Variants in DOCK7 observed in about 807,000 individuals in gnomAD.
The protein encoded by DOCK7 is dedicator of cytokinesis 7.
A neutral mutation model predicts 271.0 loss-of-function variants in DOCK7; 138 were observed. The observed-to-expected ratio is 0.51, with a 90% CI of 0.44 to 0.59. The LOEUF is 0.59. DOCK7 is among the 20% of genes least tolerant of loss of function. DOCK7 has a pLI of 0.00. For synonymous variants in DOCK7, 823 were observed against 876.1 expected (o/e 0.94, Z 1.07); for missense variants, 2,066 against 2,592.4 (o/e 0.80, Z 4.41).
At chr1:62,667,114 C>T (rs1659407472) in intron 1 of DOCK7, among the ~76,000 whole-genome samples, 1 of 152,174 alleles carries the variant, frequency 6.6e-6, no homozygotes, top group Admixed American at 6.5e-5. Flanking sequence ...GTCATGATTT[C>T]CAGAATGAAC....
At chr1:62,506,669 T>C (rs534280440) in intron 35 of DOCK7, among the ~76,000 whole-genome samples, 6 of 151,746 alleles carry the variant, frequency 4.0e-5, no homozygotes, top group Admixed American at 1.3e-4. Context: ...CAGGGTTGGC[T>C]GGGTGCAGTG....
intron 43 of DOCK7, chr1:62,478,427 T>C (rs1646027158): frequency 6.6e-6 from 1 of 152,156 alleles, no homozygotes; most frequent in Non-Finnish European, 1.5e-5. Flanking sequence ...ATTATTATTA[T>C]TATTTAGATG....
intron 9 of DOCK7, 47 bp downstream of exon 9, chr1:62,634,726 T>C (rs368781447): frequency 1.4e-5 from 22 of 1,557,108 alleles, no homozygotes; most frequent in Non-Finnish European, 1.8e-5. Flanking sequence ...GACAGACAAG[T>C]ATACAGACAC....
chr1:62,464,568 G>A (rs1571186436), intron 48 of DOCK7, among the ~76,000 whole-genome samples: 1 of 151,972 alleles, frequency 6.6e-6, no homozygotes, highest in African/African-American at 2.4e-5. Context: ...TGCAATCCCG[G>A]CTACTTGGGA....
chr1:62,553,962 T>C (rs1646049162), intron 21 of DOCK7, among the ~76,000 whole-genome samples: 1 of 152,076 alleles, frequency 6.6e-6, no homozygotes, highest in Non-Finnish European at 1.5e-5. Flanking sequence ...TCTCCTACTC[T>C]GCCCCTTGAC....
chr1:62,582,631 G>A (rs1047101001), intron 16 of DOCK7, among the ~76,000 whole-genome samples: 1 of 142,048 alleles, frequency 7.0e-6, no homozygotes, highest in African/African-American at 2.6e-5. Flanking sequence ...ATGAATTGCT[G>A]TAGCCCTATC....
intron 1 of DOCK7, among the ~76,000 whole-genome samples, chr1:62,680,552 C>G (rs1661007553): frequency 6.6e-6 from 1 of 151,818 alleles, no homozygotes; most frequent in South Asian, 2.1e-4. Context: ...TCTAATTAAA[C>G]TAAAGAGCTT....
intron 18 of DOCK7, among the ~76,000 whole-genome samples, chr1:62,566,527 C>T (rs955658491): frequency 5.3e-5 from 8 of 152,100 alleles, no homozygotes; most frequent in East Asian, 1.9e-4. Flanking sequence ...CTTCCTTACA[C>T]CTTAAACAAA....
rs1454805523 is a variant in DOCK7, at chr1:62,688,211, C to T, written c.38+16G>A. 3 of 1,378,450 alleles carry T rather than the reference C, an allele frequency of 2.2e-6. No individual in the cohort carries two copies. The East Asian group carries it at 1.0e-4, about 46-fold the overall frequency. The allele number at this position is 1,378,450 out of a possible 1,614,324, so 85.4% of individuals were successfully genotyped here. A position where few individuals can be genotyped will look rare whatever the true frequency, so the allele number is the denominator to read the frequency against. Reference sequence around the variant, plus strand: ...CTCGGGCGGCGGCGGCGGCGCGCCCCACGCCGGATATTTACCTGCTGATCT... The same window carrying T: ...CTCGGGCGGCGGCGGCGGCGCGCCCTACGCCGGATATTTACCTGCTGATCT... On this transcript the variant is annotated intron_variant, in intron 1 of 49. Transcript: ENST00000635253.
intron 43 of DOCK7, chr1:62,483,909 A>C (rs986208094): frequency 6.6e-6 from 1 of 152,084 alleles, no homozygotes; most frequent in South Asian, 2.1e-4. Flanking sequence ...AGAGTGTCAC[A>C]TTTACCCACT....
At chr1:62,609,901 C>G (rs868044089) in intron 14 of DOCK7, among the ~76,000 whole-genome samples, 1 of 151,972 alleles carries the variant, frequency 6.6e-6, no homozygotes, top group Non-Finnish European at 1.5e-5. Flanking sequence ...TGGCACTGCA[C>G]AGTGAGCTGA....
chr1:62,684,708 A>G lies in DOCK7; in HGVS notation c.38+3519T>C, dbSNP rs145453861. Among the ~76,000 whole-genome samples the G allele has an allele frequency of 3.8e-3, 583 of 152,306 alleles. 6 individuals are homozygous for G. Among genetic ancestry groups the G allele is most frequent in the African/African-American group, 0.013 (530 of 41,558 alleles). On this transcript the variant is annotated intron_variant, in intron 1 of 49. Transcript: ENST00000635253. ...TCTACAGTCTACATTCCATAAATCC[A>G]TGGGCCTTATCCTCAAAAAGCAAAG...
chr1:62,575,532 C>T (rs1181189021), intron 18 of DOCK7, among the ~76,000 whole-genome samples: 1 of 152,092 alleles, frequency 6.6e-6, no homozygotes, highest in African/African-American at 2.4e-5. Context: ...TGCTAATTAA[C>T]TGTTTATGTT....
Position 62,625,289 on chromosome 1 carries a change from A to T in DOCK7, c.1395T>A (p.Ala465=). Residue 465 remains alanine, a synonymous_variant, in exon 12 of 50, where the codon GCT becomes GCA. Transcript: ENST00000635253. The part of the protein sequence containing the change: ...DACNLTSFRP[A]TLTVTNFFKQ... ...TAAAAAAATTTGTCACTGTGAGAGT[A>T]GCTGGTCGAAAGCTCGTCAAGTTAC... The T allele has an allele frequency of 1.2e-6, 2 of 1,614,036 alleles. No homozygotes were observed. Among genetic ancestry groups the T allele is most frequent in the Non-Finnish European group, 1.7e-6 (2 of 1,179,966 alleles).
chr1:62,462,925 T>C (rs1490935086), intron 48 of DOCK7, among the ~76,000 whole-genome samples: 1 of 150,282 alleles, frequency 6.7e-6, no homozygotes, highest in East Asian at 1.9e-4. Context: ...TTTTTTTTTT[T>C]TTTTTTTTTG....
chr1:62,660,575 C>T lies in DOCK7; in HGVS notation c.144+2450G>A, dbSNP rs529215318. Among the ~76,000 whole-genome samples the T allele has an allele frequency of 1.2e-4, 19 of 152,168 alleles. No individual in the cohort carries two copies. The South Asian group carries it at 3.7e-3, about 30-fold the overall frequency. ...TGCTAGGAAAAACAGATTGGTGGCTCCTCAAAAAGCATACAATAAACACAG... is the reference window on the plus strand; with the variant it reads ...TGCTAGGAAAAACAGATTGGTGGCTTCTCAAAAAGCATACAATAAACACAG... On this transcript the variant is annotated intron_variant, in intron 2 of 49. Coordinates refer to ENST00000635253, the MANE Select transcript of DOCK7 (RefSeq NM_001367561.1).
At chr1:62,636,729 AT>A in intron 7 of DOCK7, 126 bp from the exon 8 acceptor site, 1 of 700,654 alleles carries the variant, frequency 1.4e-6, no homozygotes, top group Non-Finnish European at 2.4e-6. Flanking sequence ...CTTTGCCTAT[AT>A]TAAAACTTCT....
In DOCK7 at chr1:62,621,555, CTCT is replaced by C. The variant is rs369856237; in HGVS notation, c.1426-1565_1426-1563del. On this transcript the variant is annotated intron_variant, in intron 12 of 49. Coordinates refer to ENST00000635253, the MANE Select transcript of DOCK7 (RefSeq NM_001367561.1). ...CTCACCTTGAGCCACAACCCATTTG[CTCT>C]TCATCATTATATTCTAAACAAGGAT... Among the ~76,000 whole-genome samples, 727 of 152,224 alleles carry C rather than the reference CTCT, an allele frequency of 4.8e-3. 4 individuals are homozygous for C. The highest frequency in any genetic ancestry group is 8.0e-3 in the Non-Finnish European group (545 of 68,006).
intron 16 of DOCK7, among the ~76,000 whole-genome samples, chr1:62,580,596 T>A (rs956101558): frequency 6.6e-6 from 1 of 152,212 alleles, no homozygotes; most frequent in African/African-American, 2.4e-5. Context: ...CTAAGAGAGT[T>A]ATTCATTCAA....
Sources: allele counts gnomAD v4.1 joint callset (sites outside exome capture counted in the v4.1 genomes callset), GRCh38; gene constraint gnomAD v4.1.1; transcripts MANE v1.5; gene names NCBI Gene and HGNC (gene_info 2026-07-23, HGNC 2026-07-21).